The following CNTN4 variants were observed in gnomAD, a reference collection of about 807,000 sequenced individuals.
CNTN4 encodes contactin 4.
CNTN4 carries 77 observed loss-of-function variants against 122.5 expected under a neutral mutation model. That is an observed-to-expected ratio of 0.63 (90% CI 0.52 to 0.76). The LOEUF (loss-of-function observed/expected upper bound fraction) is 0.76. CNTN4 is among the 30% of genes least tolerant of loss of function. CNTN4 has a pLI of 0.00. For missense variants in CNTN4, 1,256 were observed against 1,259.1 expected (o/e 1.00, Z 0.04); for synonymous variants, 512 against 447.0 (o/e 1.15, Z -1.83).
intron 2 of CNTN4, among the ~76,000 whole-genome samples, chr3:2,288,576 G>T (rs1196686868): frequency 6.6e-6 from 1 of 152,074 alleles, no homozygotes; most frequent in South Asian, 2.1e-4. Context: ...ACTATAGCAA[G>T]AGGAAGTTGC....
At chr3:2,916,716 T>C (rs950297537) in intron 12 of CNTN4, among the ~76,000 whole-genome samples, 9 of 141,858 alleles carry the variant, frequency 6.3e-5, no homozygotes, top group East Asian at 2.2e-4. Context: ...AGCTGTTGGG[T>C]ACACCTCCCA....
At chr3:2,387,731 G>A (rs1299081561) in intron 3 of CNTN4, among the ~76,000 whole-genome samples, 1 of 152,108 alleles carries the variant, frequency 6.6e-6, no homozygotes, top group Non-Finnish European at 1.5e-5. Flanking sequence ...TTATTTTGCT[G>A]TTTTTCCTGC....
intron 13 of CNTN4, among the ~76,000 whole-genome samples, chr3:2,928,018 T>C (rs1261866372): frequency 6.6e-6 from 1 of 152,042 alleles, no homozygotes. Flanking sequence ...CCAGGTGTAG[T>C]ATATAGGGGA....
chr3:2,438,243 G>C (rs1410618202), intron 3 of CNTN4, among the ~76,000 whole-genome samples: 1 of 152,104 alleles, frequency 6.6e-6, no homozygotes, highest in Non-Finnish European at 1.5e-5. Context: ...TATTTGGCTG[G>C]GCACGGTTGC....
At position 2,250,870 on chromosome 3, in the gene CNTN4, C is replaced by A. The variant is rs192162886; in HGVS notation, c.-144-88308C>A. Among the ~76,000 whole-genome samples the A allele has an allele frequency of 3.0e-3, 451 of 151,806 alleles. 1 individual carries two copies. The highest frequency in any genetic ancestry group is 4.2e-3 in the Non-Finnish European group (285 of 67,774). On this transcript the variant is annotated intron_variant, in intron 2 of 24. Coordinates refer to ENST00000418658, the MANE Select transcript of CNTN4 (RefSeq NM_175607.3). Reference sequence around the variant, plus strand: ...AATACCTAGTAATTTAAAATAGAGCCTTTTACTGATTTTGCTCTAGTTCTA... The same window carrying A: ...AATACCTAGTAATTTAAAATAGAGCATTTTACTGATTTTGCTCTAGTTCTA...
intron 4 of CNTN4, among the ~76,000 whole-genome samples, chr3:2,635,102 G>T (rs1228800699): frequency 1.3e-5 from 2 of 151,968 alleles, no homozygotes; most frequent in African/African-American, 4.8e-5. Flanking sequence ...TCTAGTGAGC[G>T]ATGTTGCTGT....
intron 4 of CNTN4, among the ~76,000 whole-genome samples, chr3:2,577,541 A>T (rs191335598): frequency 6.6e-5 from 10 of 152,320 alleles, no homozygotes; most frequent in Non-Finnish European, 1.2e-4. Context: ...ACAATGAAGG[A>T]GTTGAACAGA....
intron 6 of CNTN4, among the ~76,000 whole-genome samples, chr3:2,812,127 G>C (rs1448682938): frequency 6.6e-6 from 1 of 152,176 alleles, no homozygotes; most frequent in African/African-American, 2.4e-5. Context: ...CTGTTAGAGA[G>C]TGGAGGGCGG....
intron 2 of CNTN4, among the ~76,000 whole-genome samples, chr3:2,182,850 A>G (rs1220377259): frequency 6.7e-6 from 1 of 150,086 alleles, no homozygotes; most frequent in Non-Finnish European, 1.5e-5. Context: ...TTTTCTCCTG[A>G]ATGGTTTTGT....
At chr3:2,788,277 A>G (rs1161494707) in intron 6 of CNTN4, among the ~76,000 whole-genome samples, 3 of 152,168 alleles carry the variant, frequency 2.0e-5, no homozygotes, top group Admixed American at 1.3e-4. Context: ...TGAAATGTGA[A>G]TTGTCTTCTG....
intron 4 of CNTN4, among the ~76,000 whole-genome samples, chr3:2,599,455 T>A (rs2080926842): frequency 6.6e-6 from 1 of 152,218 alleles, no homozygotes; most frequent in African/African-American, 2.4e-5. Flanking sequence ...TTCTGATGCC[T>A]TTTTCTTCAT....
At position 2,959,449 on chromosome 3, in the gene CNTN4, G is replaced by A. The variant is rs181023988; in HGVS notation, c.1359-28896G>A. Among the ~76,000 whole-genome samples, 57 of 151,970 alleles carry A rather than the reference G, an allele frequency of 3.8e-4. 1 individual carries two copies. The East Asian group carries it at 0.01, about 28-fold the overall frequency. On this transcript the variant is annotated intron_variant, in intron 13 of 24. Coordinates refer to ENST00000418658, the MANE Select transcript of CNTN4 (RefSeq NM_175607.3). ...TCTCCACAGGTATTTATGAGTTCTT[G>A]GTCATAACTTTGAAAGCCCTTTTCA...
At chr3:2,249,866 G>C (rs1478826372) in intron 2 of CNTN4, among the ~76,000 whole-genome samples, 2 of 151,786 alleles carry the variant, frequency 1.3e-5, no homozygotes, top group African/African-American at 4.8e-5. Flanking sequence ...TACATAATGA[G>C]TGTTTTTATT....
rs142702614 is a variant in CNTN4, at chr3:2,436,233, C to G, written c.-89+97000C>G. Among the ~76,000 whole-genome samples, 56 of 152,116 alleles carry G rather than the reference C, an allele frequency of 3.7e-4. 1 individual carries two copies. The East Asian group carries it at 9.6e-3, about 26-fold the overall frequency. Reference sequence around the variant, plus strand: ...AAAATGTGGTTCAGGGTTGTAGATTCAAAGATTAAATAAACAAGGTCCCTA... The same window carrying G: ...AAAATGTGGTTCAGGGTTGTAGATTGAAAGATTAAATAAACAAGGTCCCTA... On this transcript the variant is annotated intron_variant, in intron 3 of 24. Transcript: ENST00000418658.
intron 2 of CNTN4, among the ~76,000 whole-genome samples, chr3:2,265,268 A>T (rs1428024892): frequency 2.6e-5 from 4 of 152,066 alleles, no homozygotes; most frequent in African/African-American, 7.2e-5. Flanking sequence ...ATTGATAAGC[A>T]TTTGGGCTGG....
At chr3:2,518,435 A>C (rs1450715302) in intron 3 of CNTN4, among the ~76,000 whole-genome samples, 1 of 152,178 alleles carries the variant, frequency 6.6e-6, no homozygotes, top group Non-Finnish European at 1.5e-5. Flanking sequence ...GATGTTGTAC[A>C]TGACAGTCTT....
intron 3 of CNTN4, among the ~76,000 whole-genome samples, chr3:2,445,459 A>T (rs1051529343): frequency 6.6e-6 from 1 of 152,200 alleles, no homozygotes; most frequent in African/African-American, 2.4e-5. Context: ...TGCAAGTGTT[A>T]ACTAAGTAGT....
rs565521735 is a variant in CNTN4 at position 2,405,685 on chromosome 3, T to A, written c.-89+66452T>A. On this transcript the variant is annotated intron_variant, in intron 3 of 24. Coordinates refer to ENST00000418658, the MANE Select transcript of CNTN4 (RefSeq NM_175607.3). ...TTCCAGAAGAATTATAATTAATAAATGAATTATAGAAGGAATAAAAGAAAT... is the reference window on the plus strand; with the variant it reads ...TTCCAGAAGAATTATAATTAATAAAAGAATTATAGAAGGAATAAAAGAAAT... Among the ~76,000 whole-genome samples, 281 of 152,150 alleles carry A rather than the reference T, an allele frequency of 1.8e-3. 1 individual carries two copies. The highest frequency in any genetic ancestry group is 6.4e-3 in the African/African-American group (264 of 41,512).
chr3:2,583,121 C>G (rs539515120), intron 4 of CNTN4, among the ~76,000 whole-genome samples: 39 of 152,266 alleles, frequency 2.6e-4, no homozygotes, highest in African/African-American at 9.1e-4. Context: ...AAATGCATTC[C>G]TCTTGGAATG....
Sources: allele counts gnomAD v4.1 joint callset (sites outside exome capture counted in the v4.1 genomes callset), GRCh38; gene constraint gnomAD v4.1.1; transcripts MANE v1.5; gene names NCBI Gene and HGNC (gene_info 2026-07-23, HGNC 2026-07-21).